SEMA3D: variants seen among roughly 807,000 people sequenced by gnomAD.
SEMA3D encodes semaphorin-3D.
Under a neutral mutation model 100.1 loss-of-function variants are expected in SEMA3D, and 84 were observed. The ratio of observed to expected loss-of-function variants is 0.84; its 90% CI spans 0.70 to 1.01. SEMA3D has a LOEUF of 1.01. Among genes scored for constraint, SEMA3D ranks in the 50% least tolerant of loss-of-function variants. The pLI, the probability that SEMA3D is intolerant of heterozygous loss-of-function variation, is 0.00. For synonymous variants in SEMA3D, 312 were observed against 320.7 expected, an observed-to-expected ratio of 0.97 and a Z score of 0.29; for missense variants, 875 against 934.1, an observed-to-expected ratio of 0.94 and a Z score of 0.82.
intron 2 of SEMA3D, among the ~76,000 whole-genome samples, chr7:85,145,457 A>G (rs1790174970): frequency 6.6e-6 from 1 of 152,072 alleles, no homozygotes; most frequent in African/African-American, 2.4e-5. Flanking sequence ...TTGGTATTTA[A>G]GTACTATATA....
chr7:85,059,759 C>T (rs1173910275), intron 8 of SEMA3D, among the ~76,000 whole-genome samples: 1 of 152,028 alleles, frequency 6.6e-6, no homozygotes, highest in Admixed American at 6.6e-5. Flanking sequence ...TTGTTGTTCA[C>T]TTGTTTACAG....
chr7:85,045,805 C>A (rs1200010304), intron 9 of SEMA3D, among the ~76,000 whole-genome samples: 1 of 151,804 alleles, frequency 6.6e-6, no homozygotes, highest in Non-Finnish European at 1.5e-5. Context: ...TAAGATATTT[C>A]CCCATCTTTC....
chr7:85,129,016 T>G (rs140075643), intron 2 of SEMA3D, among the ~76,000 whole-genome samples: 255 of 151,420 alleles, frequency 1.7e-3, no homozygotes, highest in Middle Eastern at 3.4e-3. Context: ...CTTGGCTTCC[T>G]GAGGAGCTGG....
chr7:85,036,187 T>G lies in SEMA3D; in HGVS notation c.1191+702A>C, dbSNP rs547508505. ...AAATAATCCTGATGTTAAAATAACT[T>G]AAACTGTCATAATAATATCAACAAA... On this transcript the variant is annotated intron_variant, in intron 12 of 18. Coordinates refer to ENST00000284136, the MANE Select transcript of SEMA3D (RefSeq NM_001384900.1). Among the ~76,000 whole-genome samples, 4 of 152,206 alleles carry G rather than the reference T, an allele frequency of 2.6e-5. No homozygotes were observed. In the South Asian group the frequency reaches 8.3e-4, roughly 32 times the overall value.
chr7:85,167,038 T>C (rs977679425), intron 1 of SEMA3D, among the ~76,000 whole-genome samples: 1 of 151,866 alleles, frequency 6.6e-6, no homozygotes, highest in African/African-American at 2.4e-5. Context: ...CTGAAATCAA[T>C]ACAAACGTAT....
intron 9 of SEMA3D, among the ~76,000 whole-genome samples, chr7:85,048,489 G>T (rs769175868): frequency 2.4e-4 from 37 of 151,840 alleles, no homozygotes; most frequent in Admixed American, 8.6e-4. Context: ...CTCATTAGAA[G>T]TGTATGCCTT....
intron 2 of SEMA3D, chr7:85,140,039 T>C (rs1269997773): frequency 4.6e-5 from 23 of 502,532 alleles, no homozygotes; most frequent in Non-Finnish European, 5.1e-5. Flanking sequence ...TTGCATGCTG[T>C]CATTAATTAT....
At chr7:85,079,374 C>A (rs62473400) in intron 5 of SEMA3D, among the ~76,000 whole-genome samples, 2,077 of 152,242 alleles carry the variant, frequency 0.014, 19 homozygotes, top group Non-Finnish European at 0.023. Flanking sequence ...GATTCAACAT[C>A]AAACTACAGA....
In SEMA3D at chr7:85,022,445, C is replaced by A; in HGVS notation, c.1360G>T (p.Val454Leu). ...NVDYRLTQIVVDHVIAEDGQY... is the reference protein window; with the variant it reads ...NVDYRLTQIVLDHVIAEDGQY... Reference sequence around the variant, plus strand: ...CCATCTTCTGCAATGACATGATCCACCACTATCTGTGTCAGTCTGTAATCC... The same window carrying A: ...CCATCTTCTGCAATGACATGATCCAACACTATCTGTGTCAGTCTGTAATCC... The change falls in exon 13 of 19, where the codon GTG becomes TTG. Residue 454 changes from valine to leucine, a missense_variant. By Grantham distance (32) the Val-to-Leu change is conservative (BLOSUM62 1). Transcript: ENST00000284136. The A allele has an allele frequency of 6.2e-7, 1 of 1,612,554 alleles. No homozygotes were observed. Among genetic ancestry groups the A allele is most frequent in the Non-Finnish European group, 8.5e-7 (1 of 1,178,964 alleles).
rs189339965 is a variant in SEMA3D at position 84,998,054 on chromosome 7, C to T, written c.*1386G>A. The T allele has an allele frequency of 6.6e-5, 10 of 152,240 alleles. No homozygotes were observed. The highest frequency in any genetic ancestry group is 2.6e-4 in the Admixed American group (4 of 15,298). The allele number at this position is 152,240 out of a possible 1,614,324, so 9.4% of individuals were successfully genotyped here. A position where few individuals can be genotyped will look rare whatever the true frequency, so the allele number is the denominator to read the frequency against. On this transcript the variant is annotated 3_prime_UTR_variant, in exon 19 of 19. Transcript: ENST00000284136. Reference sequence around the variant, plus strand: ...TTGTTAAATTACAAAAACAATACTACAATTACAACAGATTAACTCAGCAAT... The same window carrying T: ...TTGTTAAATTACAAAAACAATACTATAATTACAACAGATTAACTCAGCAAT...
At chr7:85,055,086 C>T (rs2116075104) in intron 9 of SEMA3D, among the ~76,000 whole-genome samples, 1 of 152,104 alleles carries the variant, frequency 6.6e-6, no homozygotes, top group South Asian at 2.1e-4. Flanking sequence ...CTCTTTACCT[C>T]ATTTTCTCTC....
chr7:85,004,469 A>G (rs915868206), intron 18 of SEMA3D, among the ~76,000 whole-genome samples: 19 of 152,106 alleles, frequency 1.2e-4, no homozygotes, highest in Admixed American at 3.9e-4. Context: ...CTGCCAATTG[A>G]CTTGCTAGTT....
chr7:85,158,368 G>A (rs1029809100), intron 1 of SEMA3D, among the ~76,000 whole-genome samples: 28 of 152,126 alleles, frequency 1.8e-4, no homozygotes, highest in African/African-American at 6.3e-4. Flanking sequence ...CTTTGGGGAC[G>A]GCTGTCTTTT....
the SEMA3D span, among the ~76,000 whole-genome samples, chr7:85,246,082 A>G: frequency 6.6e-6 from 1 of 152,082 alleles, no homozygotes; most frequent in Non-Finnish European, 1.5e-5. Flanking sequence ...GACAATGTGC[A>G]TGATTTAATG....
chr7:85,212,419 C>G, the SEMA3D span, among the ~76,000 whole-genome samples: 2 of 152,082 alleles, frequency 1.3e-5, no homozygotes, highest in Non-Finnish European at 2.9e-5. Context: ...CTTAGAATAG[C>G]AATGTGTACC....
intron 2 of SEMA3D, chr7:85,141,506 G>A: frequency 1.0e-6 from 1 of 984,960 alleles, no homozygotes; most frequent in African/African-American, 1.7e-5. Context: ...CCCTAGCACA[G>A]GATCACTGCC....
In SEMA3D at chr7:85,097,922, T is replaced by A; in HGVS notation, c.195A>T (p.Ser65=). The A allele has an allele frequency of 6.2e-7, 1 of 1,607,804 alleles. No individual in the cohort carries two copies. The highest frequency in any genetic ancestry group is 8.5e-7 in the Non-Finnish European group (1 of 1,176,638). Residue 65 remains serine, a synonymous_variant, in exon 4 of 19, where the codon TCA becomes TCT. Coordinates refer to ENST00000284136, the MANE Select transcript of SEMA3D (RefSeq NM_001384900.1). Reference sequence around the variant, plus strand: ...GAAGAGTTTGAAAATCCAGTCCTTCTGATGAACCCAAAAAGGGAATACAGC... The same window carrying A: ...GAAGAGTTTGAAAATCCAGTCCTTCAGATGAACCCAAAAAGGGAATACAGC... ...SNSCIPFLGS[S]EGLDFQTLLL...
In SEMA3D at chr7:85,000,465, G is replaced by A. The variant is rs150982421; in HGVS notation, c.1909-600C>T. Among the ~76,000 whole-genome samples the A allele has an allele frequency of 9.2e-5, 14 of 152,234 alleles. 2 individuals are homozygous for A. Among genetic ancestry groups the A allele is most frequent in the African/African-American group, 3.1e-4 (13 of 41,550 alleles). ...TCTTTAAAGTCAAAGCCAAAGGTACGGGTATAGTCTTTTGGACGTTAGAGC... is the reference window on the plus strand; with the variant it reads ...TCTTTAAAGTCAAAGCCAAAGGTACAGGTATAGTCTTTTGGACGTTAGAGC... On this transcript the variant is annotated intron_variant, in intron 18 of 18. Coordinates refer to ENST00000284136, the MANE Select transcript of SEMA3D (RefSeq NM_001384900.1).
At chr7:85,091,132 GGGAAGGAAGGAA>G (rs578007305) in intron 4 of SEMA3D, among the ~76,000 whole-genome samples, 1 of 137,948 alleles carries the variant, frequency 7.2e-6, no homozygotes, top group Non-Finnish European at 1.6e-5. Flanking sequence ...GAAGGAAGGA[GGGAAGGAAGGAA>G]GGAAGGAGGG....
Sources: gnomAD v4.1 joint callset for allele counts (sites outside exome capture counted in the v4.1 genomes callset) on GRCh38, gnomAD v4.1.1 for gene constraint, MANE v1.5 for transcripts, NCBI Gene and HGNC (gene_info 2026-07-23, HGNC 2026-07-21) for gene names.